The following SAMD12 variants were observed in gnomAD, a reference collection of about 807,000 sequenced individuals.
SAMD12 encodes sterile alpha motif domain-containing protein 12.
A neutral mutation model predicts 15.0 loss-of-function variants in SAMD12; 9 were observed. The ratio of observed to expected loss-of-function variants is 0.60; its 90% CI spans 0.36 to 1.05. The LOEUF (loss-of-function observed/expected upper bound fraction) is 1.05. SAMD12 is among the 50% of genes least tolerant of loss of function. The pLI is 0.01. For synonymous variants in SAMD12, 86 were observed against 90.1 expected (o/e 0.96, Z 0.25); for missense variants, 230 against 234.2 (o/e 0.98, Z 0.12).
intron 2 of SAMD12, among the ~76,000 whole-genome samples, chr8:118,558,934 TC>T (rs1472276174): frequency 1.3e-5 from 2 of 152,212 alleles, no homozygotes; most frequent in Admixed American, 1.3e-4. Context: ...TGTTCGTTGT[TC>T]AACCAGACTT....
At chr8:118,528,319 A>G (rs1336389848) in intron 2 of SAMD12, among the ~76,000 whole-genome samples, 3 of 152,222 alleles carry the variant, frequency 2.0e-5, no homozygotes, top group African/African-American at 7.2e-5. Flanking sequence ...GGCATGAGCC[A>G]CCATGCCTGG....
At chr8:118,309,008 A>C (rs1475089163) in intron 4 of SAMD12, among the ~76,000 whole-genome samples, 1 of 151,664 alleles carries the variant, frequency 6.6e-6, no homozygotes, top group African/African-American at 2.4e-5. Context: ...TTATTATTTC[A>C]ATAGGTTTTT....
chr8:118,132,445 C>G, the SAMD12 span, among the ~76,000 whole-genome samples: 1 of 152,212 alleles, frequency 6.6e-6, no homozygotes, highest in Admixed American at 6.5e-5. Context: ...TGGTACTAGT[C>G]CCATGCTGAA....
downstream of SAMD12, among the ~76,000 whole-genome samples, chr8:118,377,692 G>A (rs547535187): frequency 1.3e-5 from 2 of 152,122 alleles, no homozygotes; most frequent in Non-Finnish European, 2.9e-5. Context: ...GGCAATGAGA[G>A]CTGTAGAAAA....
the SAMD12 span, among the ~76,000 whole-genome samples, chr8:118,147,871 T>C: frequency 4.6e-5 from 7 of 151,594 alleles, no homozygotes; most frequent in Admixed American, 1.3e-4. Context: ...CGACTTAGCC[T>C]CCTAAGTAGC....
chr8:118,169,897 C>G, the SAMD12 span, among the ~76,000 whole-genome samples: 7,382 of 152,012 alleles, frequency 0.049, 601 homozygotes, highest in African/African-American at 0.17. Context: ...TTCATATGAA[C>G]TCTTATTTTA....
intron 2 of SAMD12, among the ~76,000 whole-genome samples, chr8:118,551,146 G>C (rs534842923): frequency 6.6e-6 from 1 of 152,156 alleles, no homozygotes; most frequent in Admixed American, 6.5e-5. Context: ...GGATACCCAG[G>C]AATGGAAATC....
At chr8:118,133,205 A>G in the SAMD12 span, among the ~76,000 whole-genome samples, 1 of 151,522 alleles carries the variant, frequency 6.6e-6, no homozygotes, top group African/African-American at 2.4e-5. Flanking sequence ...TGACCATGTA[A>G]GTCAAGCACC....
Position 118,378,085 on chromosome 8 carries a change from G to A in SAMD12, c.*1332C>T, listed in dbSNP as rs1819477973. Reference sequence around the variant, plus strand: ...AAGAATATATGGTTTTTACAAAATTGGGCTTATATTATGCATACAATTTTA... The same window carrying A: ...AAGAATATATGGTTTTTACAAAATTAGGCTTATATTATGCATACAATTTTA... On this transcript the variant is annotated 3_prime_UTR_variant, in exon 4 of 4. Coordinates refer to ENST00000314727, the MANE Select transcript of SAMD12 (RefSeq NM_207506.3). 1 of 152,030 alleles carries A rather than the reference G, an allele frequency of 6.6e-6. No individual in the cohort carries two copies. The highest frequency in any genetic ancestry group is 1.5e-5 in the Non-Finnish European group (1 of 68,008). The allele number at this position is 152,030 out of a possible 1,614,324, so 9.4% of individuals were successfully genotyped here. A position where few individuals can be genotyped will look rare whatever the true frequency, so the allele number is the denominator to read the frequency against.
At chr8:118,485,203 A>C (rs1824242851) in intron 2 of SAMD12, among the ~76,000 whole-genome samples, 1 of 149,224 alleles carries the variant, frequency 6.7e-6, no homozygotes, top group South Asian at 2.1e-4. Flanking sequence ...TGGTTTGCAA[A>C]GACCCCCACC....
intron 4 of SAMD12, among the ~76,000 whole-genome samples, chr8:118,236,105 G>A (rs568847129): frequency 1.3e-5 from 2 of 152,170 alleles, no homozygotes; most frequent in South Asian, 2.1e-4. Flanking sequence ...ATGAATATTC[G>A]CAGTTATGAG....
chr8:118,541,573 A>G (rs1825988519), intron 2 of SAMD12, among the ~76,000 whole-genome samples: 1 of 152,236 alleles, frequency 6.6e-6, no homozygotes, highest in Non-Finnish European at 1.5e-5. Flanking sequence ...GTGTGTGGCT[A>G]TATTCCAATA....
intron 2 of SAMD12, among the ~76,000 whole-genome samples, chr8:118,549,759 T>C (rs999509913): frequency 2.0e-5 from 3 of 151,792 alleles, no homozygotes; most frequent in East Asian, 1.9e-4. Flanking sequence ...AAACCAAAGG[T>C]AAAGAAGTTA....
At chr8:118,363,340 G>A (rs1442755070) in intron 4 of SAMD12, among the ~76,000 whole-genome samples, 1 of 152,110 alleles carries the variant, frequency 6.6e-6, no homozygotes. Flanking sequence ...GGTAAATAGA[G>A]TTAGGCAGAT....
the SAMD12 span, among the ~76,000 whole-genome samples, chr8:118,163,655 C>A: frequency 6.6e-6 from 1 of 151,378 alleles, no homozygotes; most frequent in East Asian, 2.0e-4. Context: ...GCGGGCGGAT[C>A]ACGAGGTCAG....
intron 1 of SAMD12, among the ~76,000 whole-genome samples, chr8:118,617,017 G>T (rs1828256263): frequency 6.6e-6 from 1 of 152,142 alleles, no homozygotes; most frequent in Admixed American, 6.5e-5. Context: ...CTGATCCCTG[G>T]TGCCAAAAAG....
At chr8:118,383,835 G>A (rs1424202858) in intron 3 of SAMD12, among the ~76,000 whole-genome samples, 1 of 152,034 alleles carries the variant, frequency 6.6e-6, no homozygotes, top group Non-Finnish European at 1.5e-5. Context: ...TTATGTACCT[G>A]CCACTATTTG....
intron 2 of SAMD12, among the ~76,000 whole-genome samples, chr8:118,558,750 G>A (rs993898328): frequency 1.3e-5 from 2 of 152,030 alleles, no homozygotes; most frequent in Non-Finnish European, 2.9e-5. Flanking sequence ...AGTAGAGACG[G>A]GTTTCACTGT....
chr8:118,241,731 C>G (rs1015604450), intron 4 of SAMD12, among the ~76,000 whole-genome samples: 1 of 152,048 alleles, frequency 6.6e-6, no homozygotes, highest in African/African-American at 2.4e-5. Context: ...ACCTACTCTT[C>G]AAAGTTTTCA....
Sources: gnomAD v4.1 joint callset for allele counts (sites outside exome capture counted in the v4.1 genomes callset) on GRCh38, gnomAD v4.1.1 for gene constraint, MANE v1.5 for transcripts, NCBI Gene and HGNC (gene_info 2026-07-23, HGNC 2026-07-21) for gene names.